The following SLC24A3 variants were observed in gnomAD, a reference collection of about 807,000 sequenced individuals.
SLC24A3 encodes solute carrier family 24 member 3.
In SLC24A3, 28 loss-of-function variants were observed where a neutral mutation model predicts 75.8. That is an observed-to-expected ratio of 0.37 (90% CI 0.27 to 0.51). The LOEUF (loss-of-function observed/expected upper bound fraction) is 0.51. Among genes scored for constraint, SLC24A3 ranks in the 20% least tolerant of loss-of-function variants. The pLI, the probability that SLC24A3 is intolerant of heterozygous loss-of-function variation, is 0.94. For missense variants in SLC24A3, 663 were observed against 847.8 expected, an observed-to-expected ratio of 0.78 and a Z score of 2.71; for synonymous variants, 372 against 334.1, an observed-to-expected ratio of 1.11 and a Z score of -1.24.
At chr20:19,258,380 A>G (rs1216946175) in intron 1 of SLC24A3, among the ~76,000 whole-genome samples, 1 of 152,206 alleles carries the variant, frequency 6.6e-6, no homozygotes, top group Non-Finnish European at 1.5e-5. Context: ...ATCTTTTTAG[A>G]TGATAATTAG....
intron 1 of SLC24A3, among the ~76,000 whole-genome samples, chr20:19,274,074 C>A (rs570585795): frequency 7.9e-5 from 12 of 151,258 alleles, no homozygotes; most frequent in Middle Eastern, 3.4e-3. Context: ...GAGGCCTGTC[C>A]TATTGAAGGG....
intron 9 of SLC24A3, among the ~76,000 whole-genome samples, chr20:19,681,432 C>T (rs1219244057): frequency 6.6e-6 from 1 of 152,154 alleles, no homozygotes; most frequent in East Asian, 1.9e-4. Flanking sequence ...GCAGCTTCTC[C>T]TTCTCCCAAA....
chr20:19,614,654 G>A (rs751581692), intron 6 of SLC24A3, among the ~76,000 whole-genome samples: 19 of 152,308 alleles, frequency 1.2e-4, no homozygotes, highest in South Asian at 6.2e-4. Flanking sequence ...AACCAAAGAC[G>A]CAGCCCAAAT....
chr20:19,667,849 A>T (rs16980973), intron 8 of SLC24A3, among the ~76,000 whole-genome samples: 31,227 of 152,104 alleles, frequency 0.21, 4,128 homozygotes, highest in African/African-American at 0.38. Context: ...GATGTTAGGT[A>T]ACCCCATCCT....
intron 2 of SLC24A3, among the ~76,000 whole-genome samples, chr20:19,382,937 CT>C (rs1457690518): frequency 6.6e-6 from 1 of 152,192 alleles, no homozygotes; most frequent in Non-Finnish European, 1.5e-5. Flanking sequence ...ACAATTACCC[CT>C]GACTCAGCTG....
At chr20:19,642,823 C>T (rs764777433) in intron 6 of SLC24A3, among the ~76,000 whole-genome samples, 1 of 152,196 alleles carries the variant, frequency 6.6e-6, no homozygotes, top group Non-Finnish European at 1.5e-5. Flanking sequence ...GCCTTAGTCA[C>T]CCAATTCTCT....
intron 2 of SLC24A3, among the ~76,000 whole-genome samples, chr20:19,496,941 T>C (rs1309645693): frequency 6.6e-6 from 1 of 152,182 alleles, no homozygotes; most frequent in Non-Finnish European, 1.5e-5. Flanking sequence ...CTAAACTTCT[T>C]TCTGTTGTAA....
intron 1 of SLC24A3, among the ~76,000 whole-genome samples, chr20:19,226,606 G>GT (rs1466593800): frequency 3.3e-5 from 5 of 152,170 alleles, no homozygotes; most frequent in African/African-American, 1.2e-4. Context: ...GTTACAGCAT[G>GT]TAATGTTTAT....
chr20:19,698,623 G>C lies in SLC24A3; in HGVS notation c.1662G>C (p.Leu554=). 2 of 1,596,130 alleles carry C rather than the reference G, an allele frequency of 1.3e-6. No individual in the cohort carries two copies. Among genetic ancestry groups the C allele is most frequent in the Non-Finnish European group, 1.7e-6 (2 of 1,169,560 alleles). The change falls in exon 15 of 17, where the codon CTG becomes CTC. Residue 554 remains leucine, a synonymous_variant. Coordinates refer to ENST00000328041, the MANE Select transcript of SLC24A3 (RefSeq NM_020689.4). ...NSIGSNVFDI[L]IGLGLPWALQ... ...TTGGGAGCAACGTGTTTGACATCCT[G>C]ATTGGCCTCGGTCTCCCCTGGGCTC...
intron 2 of SLC24A3, among the ~76,000 whole-genome samples, chr20:19,307,156 C>G (rs1209431126): frequency 1.3e-5 from 2 of 152,186 alleles, no homozygotes; most frequent in African/African-American, 4.8e-5. Context: ...TGGATGAAAA[C>G]ATCCATCCTC....
chr20:19,441,843 A>C (rs1212901003), intron 2 of SLC24A3, among the ~76,000 whole-genome samples: 1 of 151,972 alleles, frequency 6.6e-6, no homozygotes, highest in Non-Finnish European at 1.5e-5. Flanking sequence ...CCTCCCTCTC[A>C]CTGACCCCTG....
chr20:19,281,689 C>T (rs552234485), intron 2 of SLC24A3, among the ~76,000 whole-genome samples: 2 of 152,118 alleles, frequency 1.3e-5, no homozygotes, highest in Non-Finnish European at 2.9e-5. Flanking sequence ...GCCCACCAAG[C>T]CTCAGGGACG....
intron 6 of SLC24A3, among the ~76,000 whole-genome samples, chr20:19,587,146 C>A (rs148619795): frequency 2.0e-5 from 3 of 152,166 alleles, no homozygotes; most frequent in Middle Eastern, 3.2e-3. Context: ...ATTAGTCTGG[C>A]TGTTATTAGT....
At chr20:19,658,286 T>C (rs778344217) in intron 7 of SLC24A3, among the ~76,000 whole-genome samples, 18 of 100,680 alleles carry the variant, frequency 1.8e-4, no homozygotes, top group Non-Finnish European at 4.2e-4. Context: ...AAAGCGCCAA[T>C]AGAGTCCTTA....
At chr20:19,711,176 T>C (rs2328440) in intron 15 of SLC24A3, among the ~76,000 whole-genome samples, 103,355 of 149,118 alleles carry the variant, frequency 0.69, 35,702 homozygotes, top group East Asian at 0.94. Flanking sequence ...CAGGCAAACG[T>C]ACACACACAC....
chr20:19,244,562 T>A (rs1600390608), intron 1 of SLC24A3, among the ~76,000 whole-genome samples: 2 of 152,256 alleles, frequency 1.3e-5, no homozygotes, highest in South Asian at 2.1e-4. Context: ...ATGAAAGGCC[T>A]GTTGCTAGAG....
chr20:19,339,202 A>G (rs4814838), intron 2 of SLC24A3, among the ~76,000 whole-genome samples: 79,739 of 152,002 alleles, frequency 0.52, 23,121 homozygotes, highest in African/African-American at 0.77. Flanking sequence ...CATCGGGCCG[A>G]AGCTGCAGTT....
chr20:19,243,073 A>C (rs757518683), intron 1 of SLC24A3, among the ~76,000 whole-genome samples: 6 of 151,978 alleles, frequency 3.9e-5, no homozygotes, highest in Non-Finnish European at 8.8e-5. Flanking sequence ...TTTTTATTTG[A>C]GATGTTTTAT....
intron 10 of SLC24A3, 140 bp downstream of exon 10, chr20:19,682,131 T>G (rs1380208023): frequency 6.2e-6 from 6 of 967,876 alleles, no homozygotes; most frequent in Non-Finnish European, 4.5e-6. Flanking sequence ...GGCCCAAGCC[T>G]GTAATCCCAG....
Sources: gnomAD v4.1 joint callset for allele counts (sites outside exome capture counted in the v4.1 genomes callset) on GRCh38, gnomAD v4.1.1 for gene constraint, MANE v1.5 for transcripts, NCBI Gene and HGNC (gene_info 2026-07-23, HGNC 2026-07-21) for gene names.